Variants in MAPK10 observed in about 807,000 individuals in gnomAD.
The protein encoded by MAPK10 is JNK3 alpha protein kinase.
A neutral mutation model predicts 59.3 loss-of-function variants in MAPK10; 25 were observed. That is an observed-to-expected ratio of 0.42 (90% CI 0.31 to 0.59). The LOEUF is 0.59. Among genes scored for constraint, MAPK10 ranks in the 20% least tolerant of loss-of-function variants. The pLI is 0.15. For synonymous variants in MAPK10, 190 were observed against 200.5 expected (o/e 0.95, Z 0.44); for missense variants, 351 against 568.9 (o/e 0.62, Z 3.90).
intron 9 of MAPK10, among the ~76,000 whole-genome samples, chr4:86,074,910 C>T (rs1180990392): frequency 7.5e-6 from 1 of 133,868 alleles, no homozygotes; most frequent in African/African-American, 3.0e-5. Flanking sequence ...TTGTGGCGTT[C>T]TCTGTATTTC....
rs115919409 is a variant in MAPK10, at chr4:86,010,965, C to A, written c.*6263G>T. ...TTAAGAAATAAAGCCACGTACCCCA[C>A]GGAGTGAAATTTGAATTCCTTAAAT... On this transcript the variant is annotated 3_prime_UTR_variant, in exon 14 of 14. Coordinates refer to ENST00000641462, the MANE Select transcript of MAPK10 (RefSeq NM_138982.4). The A allele has an allele frequency of 6.6e-6, 1 of 152,134 alleles. No homozygotes were observed. Among genetic ancestry groups the A allele is most frequent in the East Asian group, 1.9e-4 (1 of 5,192 alleles). The allele number at this position is 152,134 out of a possible 1,614,324, so 9.4% of individuals were successfully genotyped here. A position where few individuals can be genotyped will look rare whatever the true frequency, so the allele number is the denominator to read the frequency against.
intron 4 of MAPK10, among the ~76,000 whole-genome samples, chr4:86,156,742 T>C (rs2067894516): frequency 6.6e-6 from 1 of 152,062 alleles, no homozygotes; most frequent in South Asian, 2.1e-4. Flanking sequence ...TGCTTGTTTT[T>C]GTTCCGGAGT....
At chr4:86,483,418 A>G (rs1456927777) in intron 1 of MAPK10, among the ~76,000 whole-genome samples, 2 of 152,186 alleles carry the variant, frequency 1.3e-5, no homozygotes, top group African/African-American at 4.8e-5. Flanking sequence ...GAATCACTTT[A>G]TAATTACTTC....
At chr4:86,318,082 A>C (rs1276680577) in intron 2 of MAPK10, among the ~76,000 whole-genome samples, 2 of 152,080 alleles carry the variant, frequency 1.3e-5, no homozygotes, top group Non-Finnish European at 2.9e-5. Flanking sequence ...ATTATATTGG[A>C]TTTAGGGGCC....
chr4:86,542,265 G>A (rs1017563892), intron 1 of MAPK10, among the ~76,000 whole-genome samples: 16 of 152,166 alleles, frequency 1.1e-4, no homozygotes, highest in African/African-American at 3.1e-4. Flanking sequence ...CACAAGCACT[G>A]TTGGGCAGTG....
intron 1 of MAPK10, among the ~76,000 whole-genome samples, chr4:86,411,774 AT>A (rs2149027322): frequency 6.6e-6 from 1 of 152,092 alleles, no homozygotes; most frequent in South Asian, 2.1e-4. Flanking sequence ...CCATCCCTTT[AT>A]TTGGAGTCTA....
chr4:86,389,577 A>G (rs1389894048), intron 1 of MAPK10, among the ~76,000 whole-genome samples: 2 of 152,162 alleles, frequency 1.3e-5, no homozygotes, highest in East Asian at 1.9e-4. Context: ...TGGCGGTCCA[A>G]CTATAAGTTG....
At chr4:86,085,124 G>A (rs2051495413) in intron 9 of MAPK10, among the ~76,000 whole-genome samples, 1 of 152,102 alleles carries the variant, frequency 6.6e-6, no homozygotes, top group African/African-American at 2.4e-5. Context: ...ATAAATATAA[G>A]GCTTCAAATT....
At chr4:86,310,677 C>T (rs1418713330) in intron 2 of MAPK10, among the ~76,000 whole-genome samples, 4 of 152,102 alleles carry the variant, frequency 2.6e-5, no homozygotes, top group Non-Finnish European at 5.9e-5. Flanking sequence ...GAAATGCTTT[C>T]ACCTTCCTAA....
chr4:86,409,934 C>A (rs1744911958), intron 1 of MAPK10, among the ~76,000 whole-genome samples: 1 of 152,184 alleles, frequency 6.6e-6, no homozygotes, highest in Non-Finnish European at 1.5e-5. Flanking sequence ...ACTTCCAACA[C>A]TATGTTGAAT....
chr4:86,548,090 C>T (rs376527327), intron 1 of MAPK10, among the ~76,000 whole-genome samples: 3 of 152,160 alleles, frequency 2.0e-5, no homozygotes, highest in East Asian at 1.9e-4. Context: ...TGCAATAAAT[C>T]TTGCTGCTGC....
At chr4:86,018,457 T>A (rs1056410545) in intron 13 of MAPK10, among the ~76,000 whole-genome samples, 3 of 152,104 alleles carry the variant, frequency 2.0e-5, no homozygotes, top group Non-Finnish European at 4.4e-5. Flanking sequence ...AACTCCAAAT[T>A]ATTAACTTAG....
intron 11 of MAPK10, among the ~76,000 whole-genome samples, chr4:86,039,242 T>C (rs1560848567): frequency 6.6e-6 from 1 of 152,282 alleles, no homozygotes; most frequent in East Asian, 1.9e-4. Flanking sequence ...TTTCAGCACC[T>C]GGGTATAGCA....
In MAPK10 at chr4:86,312,629, T is replaced by C. The variant is rs114378988; in HGVS notation, c.-7+41901A>G. ...AATGATTTAGATGAAACAATGTAAATAGGGACTGCAGGATATTAAGTGATA... is the reference window on the plus strand; with the variant it reads ...AATGATTTAGATGAAACAATGTAAACAGGGACTGCAGGATATTAAGTGATA... On this transcript the variant is annotated intron_variant, in intron 2 of 13. Transcript: ENST00000641462. Among the ~76,000 whole-genome samples the C allele has an allele frequency of 8.9e-3, 1,349 of 152,190 alleles. 25 individuals are homozygous for C. Among genetic ancestry groups the C allele is most frequent in the African/African-American group, 0.031 (1,271 of 41,544 alleles).
At chr4:86,138,011 A>G (rs2149166728) in intron 4 of MAPK10, among the ~76,000 whole-genome samples, 1 of 113,924 alleles carries the variant, frequency 8.8e-6, no homozygotes, top group Middle Eastern at 4.2e-3. Context: ...TGAATAGACC[A>G]ATAACAGGAG....
intron 2 of MAPK10, among the ~76,000 whole-genome samples, chr4:86,307,239 G>A (rs2095585316): frequency 6.6e-6 from 1 of 152,132 alleles, no homozygotes; most frequent in Non-Finnish European, 1.5e-5. Flanking sequence ...AGGACTCCAT[G>A]GGCTCACATT....
chr4:86,157,458 T>C (rs1426702222), intron 4 of MAPK10, among the ~76,000 whole-genome samples: 7 of 151,988 alleles, frequency 4.6e-5, no homozygotes, highest in Admixed American at 3.9e-4. Flanking sequence ...AGTTTGTCTG[T>C]CCATCAGAGA....
intron 4 of MAPK10, among the ~76,000 whole-genome samples, chr4:86,134,978 G>T (rs181180580): frequency 5.9e-5 from 9 of 152,114 alleles, no homozygotes; most frequent in African/African-American, 1.4e-4. Flanking sequence ...CTTTTCCGAC[G>T]GGCTTAAAAA....
intron 1 of MAPK10, chr4:86,392,372 G>C (rs756429677): frequency 6.6e-6 from 1 of 151,852 alleles, no homozygotes; most frequent in Non-Finnish European, 1.5e-5. Context: ...CCAGGAGGTG[G>C]AGGTTGTTGC....
Sources: allele counts gnomAD v4.1 joint callset (sites outside exome capture counted in the v4.1 genomes callset), GRCh38; gene constraint gnomAD v4.1.1; transcripts MANE v1.5; gene names NCBI Gene and HGNC (gene_info 2026-07-23, HGNC 2026-07-21).